ATRX: variants seen among roughly 807,000 people sequenced by gnomAD.
The protein encoded by ATRX is ATRX chromatin remodeler.
ATRX carries 12 observed loss-of-function variants against 172.6 expected under a neutral mutation model. That is an observed-to-expected ratio of 0.07 (90% CI 0.04 to 0.11). The LOEUF is 0.11. Ranked by LOEUF, ATRX falls within the 10% of genes least tolerant of loss-of-function variation. ATRX has a pLI of 1.00. For synonymous variants in ATRX, 674 were observed against 594.7 expected (o/e 1.13, Z -1.94); for missense variants, 1,368 against 1,767.4 (o/e 0.77, Z 4.05).
intron 1 of ATRX, among the ~76,000 whole-genome samples, chrX:77,776,154 A>T (rs1206562129): frequency 8.9e-6 from 1 of 112,303 alleles, no homozygotes; most frequent in African/African-American, 3.2e-5. Context: ...TAACAGCACA[A>T]CTTTTCTGTG....
At chrX:77,638,729 T>C (rs180869204) in intron 15 of ATRX, among the ~76,000 whole-genome samples, 2 of 112,747 alleles carry the variant, frequency 1.8e-5, no homozygotes, top group East Asian at 2.8e-4. Flanking sequence ...ATATTGTACT[T>C]ACATAAAATT....
In ATRX at chrX:77,696,478, G is replaced by T. The variant is rs782258211; in HGVS notation, c.370+99C>A. 5 of 918,401 alleles carry T rather than the reference G, an allele frequency of 5.4e-6. No homozygotes were observed. In the African/African-American group the frequency reaches 9.8e-5, roughly 18 times the overall value. 75.7% of individuals were successfully genotyped at this position (918,401 alleles called of 1,213,427 possible). On this transcript the variant is annotated intron_variant, in intron 5 of 34. Transcript: ENST00000373344. ...CACTAGGAAAATGCCATGTTTGGTC[G>T]TTTGTACATAGTTAACAGTAATCAA...
chrX:77,612,642 G>C (rs1478143329), intron 22 of ATRX, among the ~76,000 whole-genome samples: 1 of 111,494 alleles, frequency 9.0e-6, no homozygotes, highest in Non-Finnish European at 1.9e-5. Context: ...GTACACAATT[G>C]AGTGGCATTA....
chrX:77,786,149 A>C lies in ATRX; in HGVS notation c.-148T>G, dbSNP rs1252611588. The C allele has an allele frequency of 6.3e-6, 4 of 631,841 alleles. No individual in the cohort carries two copies. The highest frequency in any genetic ancestry group is 9.3e-6 in the Non-Finnish European group (4 of 431,260). The allele number at this position is 631,841 out of a possible 1,213,427, so 52.1% of individuals were successfully genotyped here. A position where few individuals can be genotyped will look rare whatever the true frequency, so the allele number is the denominator to read the frequency against. On this transcript the variant is annotated 5_prime_UTR_variant, in exon 1 of 35. Transcript: ENST00000373344. ...TCCCCACAGCTCAAAGGCCGCTACC[A>C]CTGCCACCGCCGCAGGAGCCGCGGA...
intron 15 of ATRX, among the ~76,000 whole-genome samples, chrX:77,638,312 A>G (rs1480788496): frequency 8.9e-6 from 1 of 112,044 alleles, no homozygotes; most frequent in Admixed American, 9.4e-5. Context: ...AAATACAATA[A>G]CAACAACAAA....
intron 30 of ATRX, among the ~76,000 whole-genome samples, chrX:77,537,662 C>CT (rs2063798862): frequency 9.3e-6 from 1 of 107,565 alleles, no homozygotes; most frequent in South Asian, 4.1e-4. Context: ...TAGTGAGACT[C>CT]TATCTCTTAA....
chrX:77,686,577 G>A (rs782494401), intron 7 of ATRX, among the ~76,000 whole-genome samples: 4 of 110,326 alleles, frequency 3.6e-5, no homozygotes, highest in Admixed American at 9.7e-5. Context: ...TTAGCCGGGC[G>A]TGGTGGCAAG....
intron 34 of ATRX, among the ~76,000 whole-genome samples, chrX:77,520,465 A>C (rs1388702450): frequency 9.0e-6 from 1 of 111,643 alleles, no homozygotes; most frequent in African/African-American, 3.3e-5. Flanking sequence ...ATTAAAAGTT[A>C]AATAAAATAC....
intron 27 of ATRX, 71 bp downstream of exon 27, chrX:77,589,763 G>T: frequency 1.0e-6 from 1 of 970,178 alleles, no homozygotes; most frequent in Non-Finnish European, 1.4e-6. Flanking sequence ...TTCTTTTGTT[G>T]CTAAAATGTT....
intron 2 of ATRX, among the ~76,000 whole-genome samples, chrX:77,705,665 G>T (rs1284712263): frequency 8.9e-6 from 1 of 112,380 alleles, no homozygotes; most frequent in Admixed American, 9.4e-5. Context: ...CTTGAGGACA[G>T]AAGTTTAAGA....
intron 22 of ATRX, among the ~76,000 whole-genome samples, chrX:77,603,065 G>A (rs2066742119): frequency 9.0e-6 from 1 of 110,914 alleles, no homozygotes; most frequent in Non-Finnish European, 1.9e-5. Flanking sequence ...TACAACCAAT[G>A]CCTCAGAAAT....
intron 30 of ATRX, among the ~76,000 whole-genome samples, chrX:77,542,248 A>T (rs1018589129): frequency 1.8e-5 from 2 of 111,785 alleles, no homozygotes; most frequent in Admixed American, 1.9e-4. Flanking sequence ...ACCTAGGAAT[A>T]CAACTTACAA....
At chrX:77,735,445 T>C (rs2074498366) in intron 1 of ATRX, among the ~76,000 whole-genome samples, 1 of 110,044 alleles carries the variant, frequency 9.1e-6, no homozygotes, top group Non-Finnish European at 1.9e-5. Context: ...TACAAAAAAT[T>C]AGCCGGCACA....
chrX:77,739,112 T>C (rs2074737680), intron 1 of ATRX, among the ~76,000 whole-genome samples: 1 of 110,832 alleles, frequency 9.0e-6, no homozygotes, highest in African/African-American at 3.3e-5. Flanking sequence ...TGAACCCAAT[T>C]TGTAGTCTTT....
At chrX:77,722,382 A>T (rs2073819093) in intron 1 of ATRX, among the ~76,000 whole-genome samples, 1 of 109,890 alleles carries the variant, frequency 9.1e-6, no homozygotes, top group African/African-American at 3.3e-5. Flanking sequence ...ATATATATAT[A>T]TCTCATCAGA....
At chrX:77,616,383 G>A (rs2067357667) in intron 22 of ATRX, 27 of 1,017,805 alleles carry the variant, frequency 2.7e-5, no homozygotes, top group Non-Finnish European at 2.9e-5. Flanking sequence ...TACAAATTAA[G>A]GGCATTATTC....
At chrX:77,711,166 C>A (rs782135279) in intron 2 of ATRX, among the ~76,000 whole-genome samples, 67 of 111,544 alleles carry the variant, frequency 6.0e-4, no homozygotes, top group African/African-American at 2.2e-3. Context: ...TAAAAAAATT[C>A]TCAGCAAACT....
chrX:77,739,593 A>C (rs2074763871), intron 1 of ATRX, among the ~76,000 whole-genome samples: 1 of 110,914 alleles, frequency 9.0e-6, no homozygotes, highest in Non-Finnish European at 1.9e-5. Flanking sequence ...AAAACAAATT[A>C]TTTTAAAACT....
At chrX:77,628,051 G>C (rs781939271) in intron 19 of ATRX, among the ~76,000 whole-genome samples, 1 of 112,199 alleles carries the variant, frequency 8.9e-6, no homozygotes, top group African/African-American at 3.2e-5. Flanking sequence ...TGAGGCTCTG[G>C]AGAGCAGAAG....
Sources: gnomAD v4.1 joint callset for allele counts (sites outside exome capture counted in the v4.1 genomes callset) on GRCh38, gnomAD v4.1.1 for gene constraint, MANE v1.5 for transcripts, NCBI Gene and HGNC (gene_info 2026-07-23, HGNC 2026-07-21) for gene names.